Variants in IL9R observed in about 807,000 individuals in gnomAD.
IL9R encodes the protein interleukin 9 receptor.
In IL9R, 54 loss-of-function variants were observed where a neutral mutation model predicts 56.3. That is an observed-to-expected ratio of 0.96 (90% confidence interval 0.77 to 1.20). The LOEUF is 1.20. Ranked by LOEUF, IL9R falls within the 50% of genes most tolerant of loss-of-function variation. The pLI is 0.00. For synonymous variants in IL9R, 212 were observed against 250.2 expected (o/e 0.85, Z 1.44); for missense variants, 545 against 629.8 (o/e 0.87, Z 1.44).
rs1467047474 is a variant in IL9R, at chrX:156,009,352, C to T, written c.973-464C>T. On this transcript the variant is annotated intron_variant, in intron 8 of 8. Coordinates refer to ENST00000244174, the MANE Select transcript of IL9R (RefSeq NM_002186.3). ...TGTGTGTGTTTGTGTGTGTGTGTCT[C>T]GTGTGTGTGTGTCTGTGTGTATCTG... Among the ~76,000 whole-genome samples the T allele has an allele frequency of 4.9e-3, 435 of 89,602 alleles. 1 individual carries two copies. Among genetic ancestry groups the T allele is most frequent in the Non-Finnish European group, 6.6e-3 (310 of 46,940 alleles). The allele number at this position is 89,602 out of a possible 152,430, so 58.8% of individuals were successfully genotyped here. A position where few individuals can be genotyped will look rare whatever the true frequency, so the allele number is the denominator to read the frequency against.
chrX:156,012,185 A>T (rs1379889522), downstream of IL9R, among the ~76,000 whole-genome samples: 1 of 78,640 alleles, frequency 1.3e-5, no homozygotes, highest in Non-Finnish European at 2.0e-5. Context: ...TTTTTAGTAG[A>T]GACGGTGTTT....
rs1437507708 is a variant in IL9R at position 156,003,563 on chromosome X, G to A, written c.254+3G>A. On this transcript the variant is annotated splice_donor_region_variant and intron_variant, in intron 3 of 8. Coordinates refer to ENST00000244174, the MANE Select transcript of IL9R (RefSeq NM_002186.3). Reference sequence around the variant, plus strand: ...AGCCCCTGGCTCCTCTTCACCAGGTGAGCATGGAGGGCCATGCCCACCTGG... The same window carrying A: ...AGCCCCTGGCTCCTCTTCACCAGGTAAGCATGGAGGGCCATGCCCACCTGG... 1.2e-6 allele frequency: 2 copies of A among 1,611,612 alleles called. No homozygotes were observed. Among genetic ancestry groups the A allele is most frequent in the African/African-American group, 1.3e-5 (1 of 74,874 alleles).
At chrX:156,011,590 C>T (rs992069878), downstream of IL9R, among the ~76,000 whole-genome samples, 6 of 105,788 alleles carry the variant, frequency 5.7e-5, no homozygotes, top group South Asian at 3.4e-4. Flanking sequence ...GGTGCTCAGA[C>T]GCATGCTAAC....
At chrX:156,006,508 G>A (rs755770575) in intron 7 of IL9R, among the ~76,000 whole-genome samples, 14 of 148,208 alleles carry the variant, frequency 9.4e-5, no homozygotes, top group Non-Finnish European at 8.9e-5. Context: ...ATCAAGAGCC[G>A]GAGGTCCTAG....
intron 1 of IL9R, among the ~76,000 whole-genome samples, chrX:155,998,140 T>A (rs769369725): frequency 6.6e-6 from 1 of 152,074 alleles, no homozygotes; most frequent in South Asian, 2.1e-4. Flanking sequence ...GGGGTGAGAA[T>A]GGGCATACTT....
At chrX:156,001,494 C>T (rs752401691) in intron 1 of IL9R, 2 of 1,607,732 alleles carry the variant, frequency 1.2e-6, no homozygotes, top group Non-Finnish European at 8.5e-7. Context: ...GCTGCACGCT[C>T]CATTCTAGGA....
In IL9R at chrX:156,010,382, C is replaced by T. The variant is rs1467093558; in HGVS notation, c.1539C>T (p.Leu513=). 1.1e-5 allele frequency: 6 copies of T among 523,016 alleles called. No individual in the cohort carries two copies. Among genetic ancestry groups the T allele is most frequent in the Non-Finnish European group, 1.8e-5 (6 of 326,190 alleles). 32.4% of individuals were successfully genotyped at this position (523,016 alleles called of 1,614,324 possible). The part of the protein sequence containing the change: ...DLQGMLLPSV[L]SKARSWTF ...AGGGCATGTTGCTCCCTTCTGTCCT[C>T]AGCAAGGCTCGGTCCTGGACATTCT... The change falls in exon 9 of 9, where the codon CTC becomes CTT. Residue 513 remains leucine (L), a synonymous_variant. Coordinates refer to ENST00000244174, the MANE Select transcript of IL9R (RefSeq NM_002186.3).
At chrX:156,007,011 G>C (rs1268298980) in intron 7 of IL9R, among the ~76,000 whole-genome samples, 1 of 151,868 alleles carries the variant, frequency 6.6e-6, no homozygotes, top group African/African-American at 2.4e-5. Flanking sequence ...GGGTGGATGA[G>C]ATATGAGTGG....
intron 7 of IL9R, among the ~76,000 whole-genome samples, 156 bp from the exon 8 acceptor site, chrX:156,007,367 C>T (rs1404033743): frequency 6.6e-6 from 1 of 151,146 alleles, no homozygotes. Context: ...TTGGGTCCTG[C>T]CCTGAGAGTG....
chrX:156,007,072 A>G (rs1247647392), intron 7 of IL9R, among the ~76,000 whole-genome samples: 19 of 151,786 alleles, frequency 1.3e-4, no homozygotes, highest in Non-Finnish European at 2.7e-4. Context: ...AGGTTGGTGA[A>G]GTCTATTTGG....
At chrX:156,009,673 C>G (rs1417292837) in intron 8 of IL9R, 143 bp from the exon 9 acceptor site, 10 of 512,712 alleles carry the variant, frequency 2.0e-5, no homozygotes, top group Middle Eastern at 5.6e-4. Flanking sequence ...GACACAGGCG[C>G]TGCTTGGCCT....
rs747368740 is a variant in IL9R, at chrX:156,002,949, C to T, written c.72C>T (p.Thr24=). The T allele has an allele frequency of 2.4e-5, 39 of 1,613,824 alleles. No homozygotes were observed. In the East Asian group the frequency reaches 8.7e-4, roughly 36 times the overall value. The change falls in exon 2 of 9, where the codon ACC becomes ACT. Residue 24 remains threonine, a synonymous_variant. Transcript: ENST00000244174. ...ESEALRRDMG[T]WLLACICICT... is the part of the protein sequence containing the mutation. ...AGGCCCTGAGGCGAGACATGGGCAC[C>T]TGGCTCCTGGCCTGCATCTGCATCT...
At chrX:155,997,815 C>T in intron 1 of IL9R, 28 bp downstream of exon 1, 1 of 1,604,114 alleles carries the variant, frequency 6.2e-7, no homozygotes, top group South Asian at 1.1e-5. Flanking sequence ...GCTTCCCAAC[C>T]TCTCAAGTCA....
rs1228349568 is a variant in IL9R, at chrX:156,003,578, T to C, written c.254+18T>C. The C allele has an allele frequency of 2.9e-5, 46 of 1,607,608 alleles. No individual in the cohort carries two copies. Among genetic ancestry groups the C allele is most frequent in the Non-Finnish European group, 3.9e-5 (46 of 1,174,250 alleles). ...TTCACCAGGTGAGCATGGAGGGCCA[T>C]GCCCACCTGGACAGGGATGAGGGTG... On this transcript the variant is annotated intron_variant, in intron 3 of 8. Coordinates refer to ENST00000244174, the MANE Select transcript of IL9R (RefSeq NM_002186.3).
chrX:156,006,511 G>A (rs1339974117), intron 7 of IL9R, among the ~76,000 whole-genome samples: 1 of 151,012 alleles, frequency 6.6e-6, no homozygotes, highest in Non-Finnish European at 1.5e-5. Context: ...AAGAGCCGGA[G>A]GTCCTAGTCT....
chrX:156,008,418 T>C (rs1409591470), intron 8 of IL9R, among the ~76,000 whole-genome samples: 1 of 151,130 alleles, frequency 6.6e-6, no homozygotes, highest in Non-Finnish European at 1.5e-5. Flanking sequence ...AGGAGCGTAG[T>C]TTTCAAGATT....
At chrX:156,000,538 C>T (rs1031417563) in intron 1 of IL9R, among the ~76,000 whole-genome samples, 3 of 152,172 alleles carry the variant, frequency 2.0e-5, no homozygotes, top group South Asian at 4.1e-4. Context: ...CAGCCAGGCT[C>T]CCCAGCGGGA....
At position 156,009,183 on chromosome X, in the gene IL9R, CTGTG is replaced by C. The variant is rs1218794077; in HGVS notation, c.973-629_973-626del. ...TTTATGTGTGTATGTCTGTGTGTGT[CTGTG>C]TGTCTGTGTGTGTATGTGTCTGTGT... is the stretch of plus-strand genomic sequence containing the variant. On this transcript the variant is annotated intron_variant, in intron 8 of 8. Coordinates refer to ENST00000244174, the MANE Select transcript of IL9R (RefSeq NM_002186.3). Among the ~76,000 whole-genome samples, 733 of 124,562 alleles carry C rather than the reference CTGTG, an allele frequency of 5.9e-3. 1 individual carries two copies. Among genetic ancestry groups the C allele is most frequent in the Non-Finnish European group, 9.2e-3 (559 of 60,522 alleles). 81.7% of individuals were successfully genotyped at this position (124,562 alleles called of 152,430 possible). A position where few individuals can be genotyped will look rare whatever the true frequency, so the allele number is the denominator to read the frequency against.
At position 156,004,503 on chromosome X, in the gene IL9R, G is replaced by T. The variant is rs756917195; in HGVS notation, c.517G>T (p.Glu173Ter). The T allele has an allele frequency of 5.6e-6, 9 of 1,613,700 alleles. No homozygotes were observed. Among genetic ancestry groups the T allele is most frequent in the Non-Finnish European group, 7.6e-6 (9 of 1,179,844 alleles). Residue 173 changes from glutamate (E) to a stop codon, truncating the protein, a stop_gained, in exon 5 of 9, where the codon GAG becomes TAG. Transcript: ENST00000244174. LOFTEE classifies it high-confidence loss of function. Reference protein sequence around the residue: ...ILTWSISPALEPMTTLLSYEL... With the variant: ...ILTWSISPAL ...GACCTGGAGCATCAGTCCTGCCTTG[G>T]AGCCAATGACCACACTTCTCAGCTA... is the stretch of plus-strand genomic sequence containing the variant.
Sources: gnomAD v4.1 joint callset for allele counts (sites outside exome capture counted in the v4.1 genomes callset) on GRCh38, gnomAD v4.1.1 for gene constraint, MANE v1.5 for transcripts, NCBI Gene and HGNC (gene_info 2026-07-23, HGNC 2026-07-21) for gene names.